Variants in COL25A1 observed in about 807,000 individuals in gnomAD.
The protein encoded by COL25A1 is collagen alpha-1(XXV) chain.
In COL25A1, 103 loss-of-function variants were observed where a neutral mutation model predicts 128.4. The ratio of observed to expected loss-of-function variants is 0.80; its 90% CI spans 0.68 to 0.94. The LOEUF is 0.94. Ranked by LOEUF, COL25A1 falls within the 40% of genes least tolerant of loss-of-function variation. COL25A1 has a pLI of 0.00. For synonymous variants in COL25A1, 279 were observed against 277.2 expected, an observed-to-expected ratio of 1.01 and a Z score of -0.06; for missense variants, 745 against 840.0, an observed-to-expected ratio of 0.89 and a Z score of 1.40.
At chr4:109,102,317 A>AT (rs1269731550) in intron 3 of COL25A1, among the ~76,000 whole-genome samples, 1 of 151,904 alleles carries the variant, frequency 6.6e-6, no homozygotes, top group African/African-American at 2.4e-5. Context: ...TAATTTTCAG[A>AT]TATCTTTTTG....
chr4:109,210,541 T>G (rs892200229), intron 3 of COL25A1, among the ~76,000 whole-genome samples: 1 of 152,198 alleles, frequency 6.6e-6, no homozygotes, highest in Non-Finnish European at 1.5e-5. Context: ...GTGATCTTAT[T>G]TTGCTTCCCA....
rs34226935 is a variant in COL25A1, at chr4:109,077,473, G to A, written c.368-27294C>T. ...ACACTCCTGCTAAGGAACAAAAGCG[G>A]CAACATTATTTTAAACATTACTTTC... On this transcript the variant is annotated intron_variant, in intron 3 of 37. Transcript: ENST00000399132. Among the ~76,000 whole-genome samples the A allele has an allele frequency of 3.8e-3, 574 of 151,768 alleles. 3 individuals are homozygous for A. The highest frequency in any genetic ancestry group is 7.1e-3 in the Non-Finnish European group (481 of 67,944).
chr4:109,088,068 T>A (rs563681231), intron 3 of COL25A1, among the ~76,000 whole-genome samples: 1 of 150,490 alleles, frequency 6.6e-6, no homozygotes, highest in African/African-American at 2.4e-5. Context: ...ATATATATAT[T>A]AAAACCTGAA....
chr4:108,872,687 T>TAC lies in COL25A1; in HGVS notation c.1021-3538_1021-3537insGT, dbSNP rs1168463095. The stretch of plus-strand genomic sequence containing the variant: ...TAAGTCAGGCATTAGATTTGATATA[T>TAC]ATATACACACACACACACACATATA... On this transcript the variant is annotated intron_variant, in intron 19 of 37. Transcript: ENST00000399132. Among the ~76,000 whole-genome samples the TAC allele has an allele frequency of 8.3e-3, 69 of 8,358 alleles. 1 individual carries two copies. Among genetic ancestry groups the TAC allele is most frequent in the South Asian group, 0.052 (9 of 174 alleles). The allele number at this position is 8,358 out of a possible 152,430, so 5.5% of individuals were successfully genotyped here. A position where few individuals can be genotyped will look rare whatever the true frequency, so the allele number is the denominator to read the frequency against.
chr4:108,999,896 C>T (rs1404629843), intron 6 of COL25A1, among the ~76,000 whole-genome samples: 3 of 152,072 alleles, frequency 2.0e-5, no homozygotes, highest in Non-Finnish European at 4.4e-5. Flanking sequence ...TGTTCTCACT[C>T]GTAGGTGGGA....
At chr4:109,051,616 T>TACACACACACACACACAC (rs757614145) in intron 3 of COL25A1, among the ~76,000 whole-genome samples, 5 of 112,426 alleles carry the variant, frequency 4.4e-5, no homozygotes, top group South Asian at 3.0e-4. Context: ...CAAACACACA[T>TACACACACACACACACAC]ACATACACAC....
intron 3 of COL25A1, among the ~76,000 whole-genome samples, chr4:109,185,187 A>G (rs180849427): frequency 1.6e-3 from 244 of 152,336 alleles, no homozygotes; most frequent in Middle Eastern, 6.8e-3. Context: ...AAAATTATTC[A>G]TAAGGCAGTC....
chr4:108,848,825 A>G (rs751311584), intron 26 of COL25A1, 22 bp from the exon 27 acceptor site: 9 of 1,594,870 alleles, frequency 5.6e-6, no homozygotes, highest in Non-Finnish European at 6.9e-6. Context: ...AAAATAGATG[A>G]CTTGCCTCCA....
chr4:108,868,232 T>C (rs1738182007), intron 20 of COL25A1, among the ~76,000 whole-genome samples: 1 of 152,116 alleles, frequency 6.6e-6, no homozygotes, highest in East Asian at 1.9e-4. Context: ...AGGAGCAATT[T>C]GGGGTACAAG....
At chr4:109,297,393 A>G (rs1725076331) in intron 3 of COL25A1, among the ~76,000 whole-genome samples, 1 of 152,164 alleles carries the variant, frequency 6.6e-6, no homozygotes, top group South Asian at 2.1e-4. Flanking sequence ...AAAACTGTAA[A>G]GATATTTTTT....
At chr4:108,995,149 G>T (rs1415334665) in intron 6 of COL25A1, among the ~76,000 whole-genome samples, 1 of 152,132 alleles carries the variant, frequency 6.6e-6, no homozygotes, top group East Asian at 1.9e-4. Flanking sequence ...GCTTCAGAAG[G>T]TTGGTAATAA....
At chr4:109,266,383 A>G (rs1332517629) in intron 3 of COL25A1, among the ~76,000 whole-genome samples, 1 of 152,248 alleles carries the variant, frequency 6.6e-6, no homozygotes, top group Admixed American at 6.5e-5. Flanking sequence ...AATGACCTTC[A>G]GAAATCTTCA....
chr4:108,862,949 A>C (rs1737435273), intron 21 of COL25A1, among the ~76,000 whole-genome samples: 1 of 152,236 alleles, frequency 6.6e-6, no homozygotes, highest in African/African-American at 2.4e-5. Context: ...CAAACAGACA[A>C]ATAAGTCCTT....
chr4:108,867,567 C>T (rs1036372882), intron 20 of COL25A1, among the ~76,000 whole-genome samples: 1 of 152,168 alleles, frequency 6.6e-6, no homozygotes, highest in Non-Finnish European at 1.5e-5. Context: ...CTAGGACACA[C>T]ATAGTTTCCA....
chr4:109,075,481 T>C (rs1055569981), intron 3 of COL25A1, among the ~76,000 whole-genome samples: 1 of 152,086 alleles, frequency 6.6e-6, no homozygotes. Flanking sequence ...GAATTGCTAT[T>C]ATGTGATATG....
At chr4:108,857,370 T>G (rs1251882429) in intron 24 of COL25A1, among the ~76,000 whole-genome samples, 3 of 152,032 alleles carry the variant, frequency 2.0e-5, no homozygotes, top group African/African-American at 7.2e-5. Flanking sequence ...TTTAGAAAAC[T>G]AGTTCTAGAA....
At chr4:109,284,121 G>A (rs1723639030) in intron 3 of COL25A1, among the ~76,000 whole-genome samples, 3 of 152,090 alleles carry the variant, frequency 2.0e-5, no homozygotes, top group African/African-American at 7.2e-5. Flanking sequence ...TACAACATTT[G>A]TTAACAATAA....
intron 35 of COL25A1, among the ~76,000 whole-genome samples, chr4:108,822,202 C>T (rs1249554858): frequency 6.6e-6 from 1 of 151,658 alleles, no homozygotes; most frequent in Non-Finnish European, 1.5e-5. Flanking sequence ...CACCACCACC[C>T]CCAGCTAATT....
intron 15 of COL25A1, among the ~76,000 whole-genome samples, chr4:108,898,880 T>C (rs1742462397): frequency 6.6e-6 from 1 of 152,194 alleles, no homozygotes; most frequent in Non-Finnish European, 1.5e-5. Context: ...CTTTATTTTT[T>C]AAAACTTTTT....
Sources: gnomAD v4.1 joint callset for allele counts (sites outside exome capture counted in the v4.1 genomes callset) on GRCh38, gnomAD v4.1.1 for gene constraint, MANE v1.5 for transcripts, NCBI Gene and HGNC (gene_info 2026-07-23, HGNC 2026-07-21) for gene names.